SHISA6: variants seen among roughly 807,000 people sequenced by gnomAD.
The protein encoded by SHISA6 is shisa family member 6.
SHISA6 carries 22 observed loss-of-function variants against 47.9 expected under a neutral mutation model. That is an observed-to-expected ratio of 0.46 (90% CI 0.33 to 0.66). The LOEUF (loss-of-function observed/expected upper bound fraction) is 0.66, where lower values mean the gene tolerates loss of function less well. Ranked by LOEUF, SHISA6 falls within the 30% of genes least tolerant of loss-of-function variation. SHISA6 has a pLI of 0.02. For missense variants in SHISA6, 680 were observed against 764.6 expected, an observed-to-expected ratio of 0.89 and a Z score of 1.30; for synonymous variants, 388 against 337.8, an observed-to-expected ratio of 1.15 and a Z score of -1.63.
intron 2 of SHISA6, among the ~76,000 whole-genome samples, chr17:11,334,438 C>T (rs1249845238): frequency 6.6e-6 from 1 of 152,210 alleles, no homozygotes; most frequent in Non-Finnish European, 1.5e-5. Flanking sequence ...GCATTCGACT[C>T]ACAGGTGGCC....
intron 2 of SHISA6, chr17:11,289,660 T>C (rs1029383693): frequency 1.3e-5 from 2 of 151,580 alleles, no homozygotes; most frequent in African/African-American, 4.8e-5. Context: ...TAGACTTTCT[T>C]CTCAGTTTGA....
chr17:11,272,269 T>A (rs1678118131), intron 2 of SHISA6, among the ~76,000 whole-genome samples: 1 of 152,186 alleles, frequency 6.6e-6, no homozygotes, highest in South Asian at 2.1e-4. Context: ...GCTCTGCTCT[T>A]TGCTTGGTCT....
At chr17:11,396,356 A>G (rs1360833964) in intron 3 of SHISA6, among the ~76,000 whole-genome samples, 1 of 152,192 alleles carries the variant, frequency 6.6e-6, no homozygotes, top group African/African-American at 2.4e-5. Context: ...TACTGTCTTT[A>G]TCCTGTTTAG....
intron 3 of SHISA6, among the ~76,000 whole-genome samples, chr17:11,536,151 G>C (rs915795357): frequency 2.0e-5 from 3 of 152,168 alleles, no homozygotes; most frequent in Non-Finnish European, 2.9e-5. Context: ...GTATTATAAT[G>C]GGAAGAACAA....
At chr17:11,545,076 C>T (rs543197885) in intron 3 of SHISA6, among the ~76,000 whole-genome samples, 3 of 151,246 alleles carry the variant, frequency 2.0e-5, no homozygotes, top group African/African-American at 4.9e-5. Context: ...AACCTGCACA[C>T]GAATGTTGAC....
chr17:11,454,213 G>T (rs1274214231), intron 3 of SHISA6, among the ~76,000 whole-genome samples: 1 of 151,922 alleles, frequency 6.6e-6, no homozygotes, highest in Non-Finnish European at 1.5e-5. Context: ...CATCTTCAAG[G>T]TTCTACCTCC....
rs536764362 is a variant in SHISA6, at chr17:11,264,144, A to C, written c.799+618A>C. On this transcript the variant is annotated intron_variant, in intron 2 of 5. Coordinates refer to ENST00000441885, the MANE Select transcript of SHISA6 (RefSeq NM_207386.4). ...GGGTCAATATATGCAGCTCAAAGAA[A>C]TTTAGTAACTTGAACAAGGTCACTG... Among the ~76,000 whole-genome samples, 9 of 152,338 alleles carry C rather than the reference A, an allele frequency of 5.9e-5. No individual in the cohort carries two copies. In the South Asian group the frequency reaches 1.9e-3, roughly 32 times the overall value.
At chr17:11,261,191 G>A (rs1182620912) in intron 1 of SHISA6, among the ~76,000 whole-genome samples, 1 of 152,190 alleles carries the variant, frequency 6.6e-6, no homozygotes. Context: ...GTCTGGGAAT[G>A]AGGGCTTCCT....
At chr17:11,314,537 G>T (rs12945156) in intron 2 of SHISA6, among the ~76,000 whole-genome samples, 20,082 of 143,142 alleles carry the variant, frequency 0.14, 1,771 homozygotes, top group East Asian at 0.33. Context: ...TCATTTTTTT[G>T]TTTTTTTTTT....
chr17:11,421,649 A>T (rs2142281746), intron 3 of SHISA6, among the ~76,000 whole-genome samples: 2 of 152,348 alleles, frequency 1.3e-5, no homozygotes, highest in East Asian at 3.9e-4. Context: ...TGGAACAAAC[A>T]TACTTTTGCC....
chr17:11,479,301 TC>T (rs1303265050), intron 3 of SHISA6, among the ~76,000 whole-genome samples: 1 of 152,170 alleles, frequency 6.6e-6, no homozygotes, highest in Non-Finnish European at 1.5e-5. Context: ...TGAGTTCATG[TC>T]CTTTGTTAGG....
chr17:11,423,313 C>T (rs1275316514), intron 3 of SHISA6, among the ~76,000 whole-genome samples: 1 of 138,200 alleles, frequency 7.2e-6, no homozygotes, highest in Admixed American at 7.5e-5. Flanking sequence ...TCTATATATG[C>T]CTGTAACATA....
chr17:11,431,426 G>T (rs1914770057), intron 3 of SHISA6, among the ~76,000 whole-genome samples: 3 of 152,072 alleles, frequency 2.0e-5, no homozygotes, highest in African/African-American at 7.2e-5. Flanking sequence ...CAAAGATGAA[G>T]GTATACCAAC....
intron 2 of SHISA6, among the ~76,000 whole-genome samples, chr17:11,326,986 C>A (rs1792924159): frequency 6.6e-6 from 1 of 152,162 alleles, no homozygotes; most frequent in Non-Finnish European, 1.5e-5. Context: ...TCCATTACGA[C>A]CTTGCTCTTG....
chr17:11,277,276 TCTCTCACACACACA>T lies in SHISA6; in HGVS notation c.799+13752_799+13765del, dbSNP rs1351789400. On this transcript the variant is annotated intron_variant, in intron 2 of 5. Coordinates refer to ENST00000441885, the MANE Select transcript of SHISA6 (RefSeq NM_207386.4). ...CTCTCTCTCTCTCTCTCTCTCTCTC[TCTCTCACACACACA>T]CACACACACACACACACACACACAC... Among the ~76,000 whole-genome samples, 341 of 62,668 alleles carry T rather than the reference TCTCTCACACACACA, an allele frequency of 5.4e-3. 1 individual carries two copies. The highest frequency in any genetic ancestry group is 0.017 in the African/African-American group (317 of 19,040). The allele number at this position is 62,668 out of a possible 152,430, so 41.1% of individuals were successfully genotyped here.
chr17:11,433,247 G>A (rs1047377709), intron 3 of SHISA6, among the ~76,000 whole-genome samples: 10 of 151,906 alleles, frequency 6.6e-5, no homozygotes, highest in Admixed American at 3.3e-4. Context: ...CCCACCCACC[G>A]ACAGGCCCCG....
chr17:11,474,405 GTTTTTT>G (rs55978546), intron 3 of SHISA6, among the ~76,000 whole-genome samples: 3 of 141,438 alleles, frequency 2.1e-5, no homozygotes, highest in African/African-American at 7.8e-5. Context: ...CTTTTTGATG[GTTTTTT>G]TTTTTTTTTC....
chr17:11,356,158 T>C (rs1274301092), intron 2 of SHISA6, among the ~76,000 whole-genome samples: 3 of 152,210 alleles, frequency 2.0e-5, no homozygotes, highest in African/African-American at 7.2e-5. Flanking sequence ...ATTGTAGAAT[T>C]AGCTTAATGA....
intron 2 of SHISA6, among the ~76,000 whole-genome samples, chr17:11,356,416 A>T (rs1045129482): frequency 5.3e-5 from 8 of 152,152 alleles, no homozygotes; most frequent in Admixed American, 3.9e-4. Flanking sequence ...TAGCAGATGC[A>T]ATTACTCTCT....
Sources: allele counts gnomAD v4.1 joint callset (sites outside exome capture counted in the v4.1 genomes callset), GRCh38; gene constraint gnomAD v4.1.1; transcripts MANE v1.5; gene names NCBI Gene and HGNC (gene_info 2026-07-23, HGNC 2026-07-21).